Variants in TLE1 observed in about 807,000 individuals in gnomAD.
TLE1 encodes transducin-like enhancer protein 1.
A neutral mutation model predicts 89.8 loss-of-function variants in TLE1; 21 were observed. The ratio of observed to expected loss-of-function variants is 0.23; its 90% CI spans 0.17 to 0.34. TLE1 has a LOEUF of 0.34. Ranked by LOEUF, TLE1 falls within the 10% of genes least tolerant of loss-of-function variation. The pLI, the probability that TLE1 is intolerant of heterozygous loss-of-function variation, is 1.00. For missense variants in TLE1, 795 were observed against 1,031.2 expected (o/e 0.77, Z 3.14); for synonymous variants, 447 against 407.6 (o/e 1.10, Z -1.16).
intron 4 of TLE1, among the ~76,000 whole-genome samples, chr9:81,670,945 G>A (rs773466057): frequency 1.8e-4 from 27 of 152,008 alleles, no homozygotes; most frequent in Non-Finnish European, 3.4e-4. Context: ...GAGGCAGATG[G>A]ATCACCTGAG....
chr9:81,643,410 A>C (rs1828418939), intron 6 of TLE1, among the ~76,000 whole-genome samples: 1 of 150,502 alleles, frequency 6.6e-6, no homozygotes, highest in Admixed American at 6.6e-5. Flanking sequence ...CTAATTTTGC[A>C]TTTTTAGTAG....
rs80213103 is a variant in TLE1, at chr9:81,588,015, C to G, written c.1830-187G>C. On this transcript the variant is annotated intron_variant, in intron 16 of 19. Coordinates refer to ENST00000376499, the MANE Select transcript of TLE1 (RefSeq NM_005077.5). ...CCCTGAGGAGGAGGGGAAACAGCACCTGCGATTGTCTTTCCCTGTTTTCCA... is the reference window on the plus strand; with the variant it reads ...CCCTGAGGAGGAGGGGAAACAGCACGTGCGATTGTCTTTCCCTGTTTTCCA... 1.6e-3 allele frequency among the ~76,000 whole-genome samples: 248 copies of G among 151,452 alleles called. 2 individuals carry two copies. The highest frequency in any genetic ancestry group is 5.9e-3 in the African/African-American group (243 of 41,180).
At chr9:81,616,258 G>A (rs1232679551) in intron 10 of TLE1, 124 bp from the exon 11 acceptor site, 1 of 1,175,504 alleles carries the variant, frequency 8.5e-7, no homozygotes, top group East Asian at 2.4e-5. Flanking sequence ...GTTGTACAAG[G>A]TGACCAACAC....
At chr9:81,611,646 A>T in intron 13 of TLE1, 123 bp downstream of exon 13, 1 of 945,884 alleles carries the variant, frequency 1.1e-6, no homozygotes, top group Non-Finnish European at 1.4e-6. Context: ...TTTGTCTCCG[A>T]GGTGTGTGGG....
Position 81,675,698 on chromosome 9 carries a change from G to GTTTTTTTTTTTTTTTTTTTTTTTTTT in TLE1, c.234+9977_234+9978insAAAAAAAAAAAAAAAAAAAAAAAAAA, listed in dbSNP as rs35060460. On this transcript the variant is annotated intron_variant, in intron 4 of 19. Coordinates refer to ENST00000376499, the MANE Select transcript of TLE1 (RefSeq NM_005077.5). ...AATTTTAGCATAAGGACTCACACTA[G>GTTTTTTTTTTTTTTTTTTTTTTTTTT]TTTTTTTTTGTTTTTTTTTTTGAGA... 9.7e-4 allele frequency among the ~76,000 whole-genome samples: 126 copies of GTTTTTTTTTTTTTTTTTTTTTTTTTT among 129,618 alleles called. 21 individuals carry two copies. The highest frequency in any genetic ancestry group is 3.2e-3 in the South Asian group (13 of 4,126). The allele number at this position is 129,618 out of a possible 152,430, so 85.0% of individuals were successfully genotyped here.
intron 14 of TLE1, among the ~76,000 whole-genome samples, chr9:81,595,135 C>T (rs60259878): frequency 0.12 from 17,552 of 152,128 alleles, 1,262 homozygotes; most frequent in Non-Finnish European, 0.15. Flanking sequence ...CATATAAAAA[C>T]AATATAGCTC....
Position 81,615,428 on chromosome 9 carries a change from A to G in TLE1, c.918+554T>C, listed in dbSNP as rs758736669. ...AACATATCCCCCAAGTAAGACGGCA[A>G]TGAGGCTGGGCTTGTAATCCCAACA... On this transcript the variant is annotated intron_variant, in intron 11 of 19. Transcript: ENST00000376499. Among the ~76,000 whole-genome samples, 49 of 151,396 alleles carry G rather than the reference A, an allele frequency of 3.2e-4. 1 individual carries two copies. Among genetic ancestry groups the G allele is most frequent in the African/African-American group, 4.9e-5 (2 of 41,218 alleles).
chr9:81,688,335 C>A lies in TLE1; in HGVS notation c.-95G>T. The A allele has an allele frequency of 7.4e-7, 1 of 1,355,720 alleles. No individual in the cohort carries two copies. The highest frequency in any genetic ancestry group is 9.7e-7 in the Non-Finnish European group (1 of 1,034,856). The allele number at this position is 1,355,720 out of a possible 1,614,324, so 84.0% of individuals were successfully genotyped here. On this transcript the variant is annotated 5_prime_UTR_variant, in exon 1 of 20. Coordinates refer to ENST00000376499, the MANE Select transcript of TLE1 (RefSeq NM_005077.5). ...CGCCGAGGAAAATTAAGCCGGAAAGCCAAGCAGAAGCGGGGAGCGCGCTGG... is the reference window on the plus strand; with the variant it reads ...CGCCGAGGAAAATTAAGCCGGAAAGACAAGCAGAAGCGGGGAGCGCGCTGG...
intron 4 of TLE1, among the ~76,000 whole-genome samples, chr9:81,667,939 GGATTGCCTGAGGCCAAGAGTTCGA>G (rs1400507184): frequency 6.6e-6 from 1 of 152,236 alleles, no homozygotes; most frequent in African/African-American, 2.4e-5. Flanking sequence ...TGAGGAGGGT[GGATTGCCTGAGGCCAAGAGTTCGA>G]GATCAGCCTG....
intron 16 of TLE1, among the ~76,000 whole-genome samples, chr9:81,588,360 G>T (rs1828923520): frequency 6.6e-6 from 1 of 152,148 alleles, no homozygotes; most frequent in Non-Finnish European, 1.5e-5. Flanking sequence ...AACAGAGCAT[G>T]AGCTCATGTA....
intron 1 of TLE1, 53 bp downstream of exon 1, chr9:81,688,164 G>C: frequency 6.3e-7 from 1 of 1,598,662 alleles, no homozygotes; most frequent in Non-Finnish European, 8.5e-7. Context: ...CCGCCCGGGA[G>C]AAGCGCCTCC....
intron 14 of TLE1, among the ~76,000 whole-genome samples, chr9:81,600,887 C>G (rs1028922099): frequency 1.3e-5 from 2 of 152,168 alleles, no homozygotes; most frequent in African/African-American, 2.4e-5. Context: ...TTCACTTGAG[C>G]TGGAACATCT....
chr9:81,654,786 A>G (rs913316454), intron 4 of TLE1, among the ~76,000 whole-genome samples: 4 of 152,178 alleles, frequency 2.6e-5, no homozygotes, highest in African/African-American at 9.7e-5. Flanking sequence ...GATAGAGTAG[A>G]AGAAAGGCCT....
chr9:81,649,683 T>C (rs1829299546), intron 6 of TLE1, among the ~76,000 whole-genome samples: 1 of 152,160 alleles, frequency 6.6e-6, no homozygotes. Context: ...TACTGACAGC[T>C]GCTATCAAAC....
At chr9:81,644,477 AT>A (rs1828568866) in intron 6 of TLE1, among the ~76,000 whole-genome samples, 1 of 152,210 alleles carries the variant, frequency 6.6e-6, no homozygotes, top group African/African-American at 2.4e-5. Context: ...GCTACATATT[AT>A]ATGATTCCAT....
intron 13 of TLE1, 121 bp downstream of exon 13, chr9:81,611,648 G>A: frequency 1.0e-6 from 1 of 956,290 alleles, no homozygotes. Context: ...TGTCTCCGAG[G>A]TGTGTGGGGC....
intron 9 of TLE1, among the ~76,000 whole-genome samples, chr9:81,618,023 C>T (rs1229652841): frequency 8.0e-6 from 1 of 125,528 alleles, no homozygotes; most frequent in Non-Finnish European, 1.5e-5. Context: ...AAGACTCCGT[C>T]TCAAAACAAC....
At chr9:81,660,860 GC>G (rs1371145465) in intron 4 of TLE1, among the ~76,000 whole-genome samples, 2 of 149,624 alleles carry the variant, frequency 1.3e-5, no homozygotes, top group Non-Finnish European at 3.0e-5. Flanking sequence ...ACTTTGGGAG[GC>G]CGAGGCGGGA....
chr9:81,641,981 C>G, intron 6 of TLE1, among the ~76,000 whole-genome samples: 1 of 152,116 alleles, frequency 6.6e-6, no homozygotes, highest in East Asian at 1.9e-4. Context: ...GAGATCGCGC[C>G]ATTGCACTCC....
Sources: allele counts gnomAD v4.1 joint callset (sites outside exome capture counted in the v4.1 genomes callset), GRCh38; gene constraint gnomAD v4.1.1; transcripts MANE v1.5; gene names NCBI Gene and HGNC (gene_info 2026-07-23, HGNC 2026-07-21).